Variants in TMEM187 observed in about 807,000 individuals in gnomAD.
TMEM187 encodes transmembrane protein 187.
TMEM187 carries 14 observed loss-of-function variants against 11.8 expected under a neutral mutation model. That is an observed-to-expected ratio of 1.18 (90% CI 0.78 to 1.85). TMEM187 has a LOEUF of 1.85. TMEM187 is among the 40% of genes most tolerant of loss of function. TMEM187 has a pLI of 0.00. For missense variants in TMEM187, 227 were observed against 243.9 expected, an observed-to-expected ratio of 0.93 and a Z score of 0.46; for synonymous variants, 112 against 118.5, an observed-to-expected ratio of 0.95 and a Z score of 0.36.
intron 1 of TMEM187, among the ~76,000 whole-genome samples, chrX:153,975,943 C>G (rs1427991122): frequency 5.4e-5 from 6 of 110,762 alleles, no homozygotes; most frequent in Non-Finnish European, 9.4e-5. Context: ...CCGCGCTGGC[C>G]TCTTCTAGTA....
chrX:153,983,065 A>C lies in TMEM187; in HGVS notation c.*217A>C, dbSNP rs782701992. The C allele has an allele frequency of 4.9e-4, 317 of 648,863 alleles. No homozygotes were observed. Among genetic ancestry groups the C allele is most frequent in the Non-Finnish European group, 6.7e-4 (284 of 425,034 alleles). 53.5% of individuals were successfully genotyped at this position (648,863 alleles called of 1,213,427 possible). ...AAAGACATAAAGCACAGATCTCCGCACAGGGGATGTGTGTGTTCCTGATGT... is the reference window on the plus strand; with the variant it reads ...AAAGACATAAAGCACAGATCTCCGCCCAGGGGATGTGTGTGTTCCTGATGT... On this transcript the variant is annotated 3_prime_UTR_variant, in exon 2 of 2. Coordinates refer to ENST00000369982, the MANE Select transcript of TMEM187 (RefSeq NM_003492.3).
rs1416597557 is a variant in TMEM187 at position 153,983,077 on chromosome X, T to C, written c.*229T>C. 5.0e-6 allele frequency: 3 copies of C among 597,360 alleles called. No homozygotes were observed. The East Asian group carries it at 1.1e-4, about 22-fold the overall frequency. The allele number at this position is 597,360 out of a possible 1,213,427, so 49.2% of individuals were successfully genotyped here. A position where few individuals can be genotyped will look rare whatever the true frequency, so the allele number is the denominator to read the frequency against. On this transcript the variant is annotated 3_prime_UTR_variant, in exon 2 of 2. Coordinates refer to ENST00000369982, the MANE Select transcript of TMEM187 (RefSeq NM_003492.3). ...CACAGATCTCCGCACAGGGGATGTG[T>C]GTGTTCCTGATGTAATTTGCATAAC...
At chrX:153,977,471 G>A (rs1205723523) in intron 1 of TMEM187, among the ~76,000 whole-genome samples, 1 of 110,614 alleles carries the variant, frequency 9.0e-6, no homozygotes, top group South Asian at 3.8e-4. Context: ...AAAATTAGCC[G>A]GGCGTGATGG....
At position 153,982,795 on chromosome X, in the gene TMEM187, A is replaced by T. The variant is rs1557122862; in HGVS notation, c.733A>T (p.Thr245Ser). ...GTTCCACTTTGCGTTTTTGTTTCTGACGCATTTCAACACTCACCCAAGATT... is the reference window on the plus strand; with the variant it reads ...GTTCCACTTTGCGTTTTTGTTTCTGTCGCATTTCAACACTCACCCAAGATT... ...LQFHFAFLFL[T>S]HFNTHPRFHP... The change falls in exon 2 of 2, where the codon ACG becomes TCG. Residue 245 changes from threonine (T) to serine (S), a missense_variant. Thr to Ser is a moderately conservative substitution (Grantham distance 58). Coordinates refer to ENST00000369982, the MANE Select transcript of TMEM187 (RefSeq NM_003492.3). 8.3e-7 allele frequency: 1 copy of T among 1,211,666 alleles called. No homozygotes were observed. The highest frequency in any genetic ancestry group is 1.7e-5 in the African/African-American group (1 of 57,721).
chrX:153,982,276 C>T lies in TMEM187; in HGVS notation c.214C>T (p.Leu72=). 8.3e-7 allele frequency: 1 copy of T among 1,211,973 alleles called. No homozygotes were observed. The highest frequency in any genetic ancestry group is 1.1e-6 in the Non-Finnish European group (1 of 895,589). ...CTACACGCTGCTGGGGCTGTCGTGG[C>T]TGCACAGGGGCGGCGCGATGGGGCT... ...MAYTLLGLSW[L]HRGGAMGLGP... The change falls in exon 2 of 2, where the codon CTG becomes TTG. Residue 72 remains leucine, a synonymous_variant. Transcript: ENST00000369982.
At chrX:153,980,804 C>T (rs781931758) in intron 1 of TMEM187, among the ~76,000 whole-genome samples, 17 of 107,647 alleles carry the variant, frequency 1.6e-4, no homozygotes, top group Admixed American at 5.0e-4. Flanking sequence ...CTCTAATCAC[C>T]GCTACTAGGG....
chrX:153,979,755 T>A (rs1339624280), intron 1 of TMEM187, among the ~76,000 whole-genome samples: 1 of 65,817 alleles, frequency 1.5e-5, no homozygotes, highest in East Asian at 5.7e-4. Flanking sequence ...TTTTTTTTTT[T>A]AGATGGAGTC....
At chrX:153,974,158 C>G (rs1484377537) in intron 1 of TMEM187, among the ~76,000 whole-genome samples, 2 of 112,356 alleles carry the variant, frequency 1.8e-5, no homozygotes, top group African/African-American at 6.5e-5. Flanking sequence ...CCCGTACCCC[C>G]GGTCAGATAG....
chrX:153,976,106 A>G (rs2065576846), intron 1 of TMEM187, among the ~76,000 whole-genome samples: 1 of 111,787 alleles, frequency 8.9e-6, no homozygotes, highest in Non-Finnish European at 1.9e-5. Context: ...CCTTTCCCCA[A>G]TGTAGGTTCT....
At chrX:153,980,281 C>T (rs1307035181) in intron 1 of TMEM187, among the ~76,000 whole-genome samples, 2 of 110,694 alleles carry the variant, frequency 1.8e-5, no homozygotes, top group East Asian at 5.7e-4. Context: ...ATAGCTTGGG[C>T]CCAGGAGGTG....
rs373254818 is a variant in TMEM187 at position 153,979,541 on chromosome X, A to T, written c.-213-2309A>T. Among the ~76,000 whole-genome samples the T allele has an allele frequency of 3.7e-5, 4 of 108,971 alleles. No homozygotes were observed. In the East Asian group the frequency reaches 1.2e-3, roughly 32 times the overall value. 94.6% of individuals were successfully genotyped at this position (108,971 alleles called of 115,157 possible). A position where few individuals can be genotyped will look rare whatever the true frequency, so the allele number is the denominator to read the frequency against. ...AGCTACATATGCTTTTTGATGTATAACAGGGTAATGTCCAGATAAACCCAT... is the reference window on the plus strand; with the variant it reads ...AGCTACATATGCTTTTTGATGTATATCAGGGTAATGTCCAGATAAACCCAT... On this transcript the variant is annotated intron_variant, in intron 1 of 1. Transcript: ENST00000369982.
In TMEM187 at chrX:153,981,724, C is replaced by T. The variant is rs1199181843; in HGVS notation, c.-213-126C>T. The T allele has an allele frequency of 1.7e-5, 6 of 362,979 alleles. No individual in the cohort carries two copies. In the East Asian group the frequency reaches 2.5e-4, roughly 15 times the overall value. 29.9% of individuals were successfully genotyped at this position (362,979 alleles called of 1,213,427 possible). ...GAGGCTTGAGAGAGTCAGTGTGCAG[C>T]GGTTTCACTCTGATTTGCTTCTCCA... On this transcript the variant is annotated intron_variant, in intron 1 of 1. Coordinates refer to ENST00000369982, the MANE Select transcript of TMEM187 (RefSeq NM_003492.3).
chrX:153,975,785 C>G (rs782734840), intron 1 of TMEM187, among the ~76,000 whole-genome samples: 4 of 106,288 alleles, frequency 3.8e-5, no homozygotes, highest in Non-Finnish European at 7.7e-5. Flanking sequence ...ACTGGGATTA[C>G]AGATGTGCGC....
At position 153,982,796 on chromosome X, in the gene TMEM187, C is replaced by A. The variant is rs782011639; in HGVS notation, c.734C>A (p.Thr245Lys). 1.2e-5 allele frequency: 14 copies of A among 1,210,679 alleles called. No individual in the cohort carries two copies. Among genetic ancestry groups the A allele is most frequent in the Non-Finnish European group, 1.6e-5 (14 of 895,422 alleles). ...LQFHFAFLFL[T>K]HFNTHPRFHP... is the part of the protein sequence containing the mutation. ...TTCCACTTTGCGTTTTTGTTTCTGA[C>A]GCATTTCAACACTCACCCAAGATTC... is the stretch of plus-strand genomic sequence containing the variant. Residue 245 changes from threonine (T) to lysine (K), a missense_variant, in exon 2 of 2, where the codon ACG (threonine) becomes AAG (lysine). Thr to Lys is a moderately conservative substitution (Grantham distance 78). Coordinates refer to ENST00000369982, the MANE Select transcript of TMEM187 (RefSeq NM_003492.3).
intron 1 of TMEM187, among the ~76,000 whole-genome samples, chrX:153,979,070 G>A: frequency 8.9e-6 from 1 of 112,313 alleles, no homozygotes; most frequent in Admixed American, 9.4e-5. Context: ...TTATAGGCGT[G>A]AGCCACCGTG....
chrX:153,973,284 C>T (rs1047352437), intron 1 of TMEM187, among the ~76,000 whole-genome samples: 5 of 112,488 alleles, frequency 4.4e-5, no homozygotes, highest in African/African-American at 1.6e-4. Flanking sequence ...ATTTTGTAAT[C>T]GTCTGTGTTT....
Position 153,982,173 on chromosome X carries a change from T to G in TMEM187, c.111T>G (p.Tyr37Ter). The G allele has an allele frequency of 2.3e-5, 28 of 1,212,464 alleles. No homozygotes were observed. Among genetic ancestry groups the G allele is most frequent in the Non-Finnish European group, 2.9e-5 (26 of 895,649 alleles). ...IFDSVSVQVG[Y>*]EHYAEAPVAG... ...ACAGTGTTTCCGTGCAAGTGGGCTATGAGCACTACGCCGAGGCGCCCGTGG... is the reference window on the plus strand; with the variant it reads ...ACAGTGTTTCCGTGCAAGTGGGCTAGGAGCACTACGCCGAGGCGCCCGTGG... The change falls in exon 2 of 2, where the codon TAT becomes TAG. Residue 37 changes from tyrosine to a stop codon, truncating the protein, a stop_gained. Transcript: ENST00000369982. LOFTEE classifies it high-confidence loss of function.
At chrX:153,979,114 C>T (rs782682358) in intron 1 of TMEM187, among the ~76,000 whole-genome samples, 3 of 111,347 alleles carry the variant, frequency 2.7e-5, no homozygotes, top group Non-Finnish European at 3.8e-5. Flanking sequence ...TTGGTAGAGA[C>T]GGGGTTTCAC....
rs782784538 is a variant in TMEM187 at position 153,982,357 on chromosome X, G to T, written c.295G>T (p.Val99Leu). Residue 99 changes from valine to leucine, a missense_variant, in exon 2 of 2, where the codon GTG becomes TTG. By Grantham distance (32) the Val-to-Leu change is conservative. Transcript: ENST00000369982. ...AGCCATGGCCCTGCTCTATGGCCCC[G>T]TGCAGTGGCTGCGCCTGTGGACGCA... ...FAAMALLYGP[V>L]QWLRLWTQWR... 2.7e-5 allele frequency: 33 copies of T among 1,205,062 alleles called. No homozygotes were observed. Among genetic ancestry groups the T allele is most frequent in the Non-Finnish European group, 3.4e-5 (30 of 894,042 alleles).
Sources: allele counts gnomAD v4.1 joint callset (sites outside exome capture counted in the v4.1 genomes callset), GRCh38; gene constraint gnomAD v4.1.1; transcripts MANE v1.5; gene names NCBI Gene and HGNC (gene_info 2026-07-23, HGNC 2026-07-21).